The following KHDRBS2 variants were observed in gnomAD, a reference collection of about 807,000 sequenced individuals.
KHDRBS2 encodes the protein KH domain-containing, RNA-binding, signal transduction-associated protein 2.
KHDRBS2 carries 26 observed loss-of-function variants against 44.3 expected under a neutral mutation model. The ratio of observed to expected loss-of-function variants is 0.59; its 90% confidence interval spans 0.43 to 0.81. KHDRBS2 has a LOEUF of 0.81. KHDRBS2 is among the 40% of genes least tolerant of loss of function. The pLI, the probability that KHDRBS2 is intolerant of heterozygous loss-of-function variation, is 0.00. For missense variants in KHDRBS2, 476 were observed against 433.1 expected (o/e 1.10, Z -0.88); for synonymous variants, 194 against 151.1 (o/e 1.28, Z -2.08).
chr6:62,275,579 A>C (rs1398703752), intron 1 of KHDRBS2, among the ~76,000 whole-genome samples: 1 of 152,206 alleles, frequency 6.6e-6, no homozygotes, highest in East Asian at 1.9e-4. Flanking sequence ...ATGTAAATCA[A>C]GTTCCAGAAA....
intron 6 of KHDRBS2, among the ~76,000 whole-genome samples, chr6:61,833,655 C>G (rs1040267873): frequency 6.6e-6 from 1 of 152,122 alleles, no homozygotes; most frequent in Non-Finnish European, 1.5e-5. Flanking sequence ...TTAGACAAGA[C>G]AGGCTTTAAT....
At chr6:62,019,582 T>C (rs1407588593) in intron 3 of KHDRBS2, among the ~76,000 whole-genome samples, 1 of 152,048 alleles carries the variant, frequency 6.6e-6, no homozygotes, top group African/African-American at 2.4e-5. Context: ...GCATGGAGTT[T>C]GTTTGCGGAA....
chr6:61,718,114 C>T (rs977110458), intron 7 of KHDRBS2, among the ~76,000 whole-genome samples: 1 of 151,932 alleles, frequency 6.6e-6, no homozygotes, highest in African/African-American at 2.4e-5. Flanking sequence ...GATAAAACAC[C>T]TCCCAACACT....
At chr6:61,627,097 C>T in the KHDRBS2 span, among the ~76,000 whole-genome samples, 1 of 150,972 alleles carries the variant, frequency 6.6e-6, no homozygotes, top group Non-Finnish European at 1.5e-5. Context: ...ACTAAAAATA[C>T]AAAAAATTAG....
intron 1 of KHDRBS2, among the ~76,000 whole-genome samples, chr6:62,272,709 A>G (rs1840279695): frequency 6.6e-6 from 1 of 152,222 alleles, no homozygotes. Context: ...AGGAGAAAGC[A>G]GACTCCTGCA....
chr6:62,221,615 TAAAC>T (rs1184703064), intron 1 of KHDRBS2, among the ~76,000 whole-genome samples: 1 of 151,974 alleles, frequency 6.6e-6, no homozygotes, highest in African/African-American at 2.4e-5. Context: ...AATAAATTAA[TAAAC>T]AATCGCATTG....
intron 1 of KHDRBS2, among the ~76,000 whole-genome samples, chr6:62,229,292 T>C (rs1047280867): frequency 3.3e-5 from 5 of 152,154 alleles, no homozygotes; most frequent in African/African-American, 7.2e-5. Context: ...GTCTACAGTA[T>C]GCCACGGCTC....
At chr6:61,731,182 G>C (rs1301011930) in intron 7 of KHDRBS2, among the ~76,000 whole-genome samples, 1 of 151,988 alleles carries the variant, frequency 6.6e-6, no homozygotes. Flanking sequence ...GAAAATATTA[G>C]CAGACAGTCT....
At chr6:61,596,739 C>A in the KHDRBS2 span, among the ~76,000 whole-genome samples, 1 of 152,126 alleles carries the variant, frequency 6.6e-6, no homozygotes, top group African/African-American at 2.4e-5. Flanking sequence ...GCAAATTCTA[C>A]CTCCCAGGTT....
chr6:61,624,466 G>T, the KHDRBS2 span, among the ~76,000 whole-genome samples: 4 of 152,158 alleles, frequency 2.6e-5, no homozygotes, highest in East Asian at 7.7e-4. Flanking sequence ...CTTTTATTAC[G>T]AGTAGGGGTA....
At chr6:61,545,501 CTGTG>C in the KHDRBS2 span, among the ~76,000 whole-genome samples, 6,830 of 148,406 alleles carry the variant, frequency 0.046, 164 homozygotes, top group East Asian at 0.093. Context: ...TAGCTAATCT[CTGTG>C]TGTGTGTGTG....
chr6:61,697,320 G>A, intron 7 of KHDRBS2, 67 bp from the exon 8 acceptor site: 1 of 950,740 alleles, frequency 1.1e-6, no homozygotes, highest in African/African-American at 1.6e-5. Context: ...AACTCATATG[G>A]AATTTGAAGG....
At chr6:61,868,245 G>T (rs2127300300) in intron 6 of KHDRBS2, among the ~76,000 whole-genome samples, 1 of 152,272 alleles carries the variant, frequency 6.6e-6, no homozygotes, top group African/African-American at 2.4e-5. Flanking sequence ...CCATGATGGG[G>T]AACTGCCTCC....
chr6:61,937,954 G>T (rs1811345964), intron 4 of KHDRBS2, among the ~76,000 whole-genome samples: 1 of 151,902 alleles, frequency 6.6e-6, no homozygotes, highest in African/African-American at 2.4e-5. Context: ...TCTAGTATTT[G>T]TATGTGAATT....
chr6:62,239,829 G>A (rs1233548819), intron 1 of KHDRBS2, among the ~76,000 whole-genome samples: 3 of 151,844 alleles, frequency 2.0e-5, no homozygotes, highest in African/African-American at 4.8e-5. Flanking sequence ...GGGATTACAG[G>A]TGCCCACCAC....
At chr6:61,783,982 T>G (rs555554168) in intron 6 of KHDRBS2, among the ~76,000 whole-genome samples, 1 of 152,064 alleles carries the variant, frequency 6.6e-6, no homozygotes, top group South Asian at 2.1e-4. Context: ...CATTTCTTAT[T>G]AAAGAAGCAT....
chr6:61,777,762 C>T (rs1238072050), intron 6 of KHDRBS2, among the ~76,000 whole-genome samples: 4 of 152,052 alleles, frequency 2.6e-5, no homozygotes, highest in Non-Finnish European at 4.4e-5. Flanking sequence ...AATTCCAGCA[C>T]TCTTATCTTA....
At chr6:61,631,925 G>C in the KHDRBS2 span, among the ~76,000 whole-genome samples, 1 of 152,118 alleles carries the variant, frequency 6.6e-6, no homozygotes, top group African/African-American at 2.4e-5. Context: ...GCATCCAACT[G>C]ATAACTGGTT....
At chr6:61,807,714 T>A (rs1330052154) in intron 6 of KHDRBS2, among the ~76,000 whole-genome samples, 1 of 151,946 alleles carries the variant, frequency 6.6e-6, no homozygotes, top group African/African-American at 2.4e-5. Context: ...AATTTAACTA[T>A]TGGATATTAT....
Sources: gnomAD v4.1 joint callset for allele counts (sites outside exome capture counted in the v4.1 genomes callset) on GRCh38, gnomAD v4.1.1 for gene constraint, MANE v1.5 for transcripts, NCBI Gene and HGNC (gene_info 2026-07-23, HGNC 2026-07-21) for gene names.